Variants in KYNU observed in about 807,000 individuals in gnomAD.
KYNU encodes the protein kynureninase.
In KYNU, 54 loss-of-function variants were observed where a neutral mutation model predicts 59.2. The observed-to-expected ratio is 0.91, with a 90% confidence interval of 0.73 to 1.14. The LOEUF (loss-of-function observed/expected upper bound fraction) is 1.14. Ranked by LOEUF, KYNU falls within the 50% of genes most tolerant of loss-of-function variation. The pLI is 0.00. For synonymous variants in KYNU, 177 were observed against 192.0 expected, an observed-to-expected ratio of 0.92 and a Z score of 0.65; for missense variants, 567 against 554.4, an observed-to-expected ratio of 1.02 and a Z score of -0.23.
intron 8 of KYNU, among the ~76,000 whole-genome samples, chr2:142,976,309 C>T (rs956746006): frequency 6.6e-6 from 1 of 152,140 alleles, no homozygotes; most frequent in Non-Finnish European, 1.5e-5. Flanking sequence ...GGGGCCCTTT[C>T]TTTGTTGTTG....
chr2:142,995,963 T>C (rs1685527070), intron 10 of KYNU, among the ~76,000 whole-genome samples: 2 of 152,128 alleles, frequency 1.3e-5, no homozygotes, highest in African/African-American at 4.8e-5. Context: ...ACTACTCTTA[T>C]TTCTGAACTC....
intron 8 of KYNU, among the ~76,000 whole-genome samples, chr2:142,976,381 C>T (rs1290113709): frequency 6.6e-6 from 1 of 152,168 alleles, no homozygotes; most frequent in Admixed American, 6.5e-5. Flanking sequence ...TCATGGCATC[C>T]AGTTCTCTAG....
At chr2:142,898,440 G>A (rs752918397) in intron 2 of KYNU, among the ~76,000 whole-genome samples, 2 of 147,814 alleles carry the variant, frequency 1.4e-5, no homozygotes, top group Non-Finnish European at 1.5e-5. Flanking sequence ...GAAATATGAA[G>A]GGTAGGAAGT....
chr2:142,910,624 G>C (rs905863227), intron 2 of KYNU, among the ~76,000 whole-genome samples: 5 of 151,974 alleles, frequency 3.3e-5, no homozygotes, highest in Non-Finnish European at 5.9e-5. Flanking sequence ...TTGTTATTGA[G>C]GACTCAGTCA....
intron 4 of KYNU, among the ~76,000 whole-genome samples, chr2:142,932,574 A>G (rs1683258272): frequency 6.6e-6 from 1 of 152,152 alleles, no homozygotes; most frequent in African/African-American, 2.4e-5. Context: ...TTTTGCAGCT[A>G]GGAAACCCCG....
chr2:142,971,556 T>G (rs1385757128), intron 8 of KYNU, among the ~76,000 whole-genome samples: 1 of 152,192 alleles, frequency 6.6e-6, no homozygotes, highest in Non-Finnish European at 1.5e-5. Flanking sequence ...TGCACTGTCT[T>G]ATAATTACTT....
chr2:143,004,487 G>C (rs1363640836), intron 10 of KYNU, among the ~76,000 whole-genome samples: 1 of 152,180 alleles, frequency 6.6e-6, no homozygotes, highest in African/African-American at 2.4e-5. Context: ...GAGGTCAGTG[G>C]ATCACTTGAG....
intron 11 of KYNU, among the ~76,000 whole-genome samples, chr2:143,032,078 C>T (rs761093809): frequency 6.6e-6 from 1 of 151,984 alleles, no homozygotes; most frequent in Non-Finnish European, 1.5e-5. Flanking sequence ...GAGATCGAGA[C>T]CACCCTGGCT....
At chr2:142,966,043 G>T (rs532067034) in intron 8 of KYNU, among the ~76,000 whole-genome samples, 1 of 151,920 alleles carries the variant, frequency 6.6e-6, no homozygotes, top group Non-Finnish European at 1.5e-5. Flanking sequence ...AATTGACAAG[G>T]TGAAAATAAG....
intron 2 of KYNU, among the ~76,000 whole-genome samples, chr2:142,906,055 C>G (rs1387550288): frequency 6.9e-6 from 1 of 145,116 alleles, no homozygotes; most frequent in African/African-American, 2.8e-5. Context: ...CTCTCTGCCT[C>G]TTTCTCTTTC....
intron 9 of KYNU, 39 bp downstream of exon 9, chr2:142,985,221 C>G: frequency 1.6e-6 from 2 of 1,232,798 alleles, no homozygotes; most frequent in Non-Finnish European, 2.4e-6. Context: ...CTTTATTTCA[C>G]ATTGACTTTA....
chr2:142,900,983 G>A (rs1170968520), intron 2 of KYNU, among the ~76,000 whole-genome samples: 1 of 151,692 alleles, frequency 6.6e-6, no homozygotes, highest in Admixed American at 6.6e-5. Context: ...ATTGCAGCAG[G>A]TGGAGCTTGC....
intron 10 of KYNU, chr2:142,988,827 G>A: frequency 1.3e-6 from 2 of 1,567,252 alleles, no homozygotes; most frequent in African/African-American, 1.4e-5. Flanking sequence ...ATCTTATATT[G>A]TACTTCATTT....
chr2:142,937,956 C>T (rs760468676), intron 4 of KYNU, among the ~76,000 whole-genome samples: 1 of 152,170 alleles, frequency 6.6e-6, no homozygotes, highest in Non-Finnish European at 1.5e-5. Context: ...GTAACTATCA[C>T]CATCATAAAT....
intron 4 of KYNU, 131 bp from the exon 5 acceptor site, chr2:142,954,679 G>T: frequency 1.6e-6 from 1 of 626,674 alleles, no homozygotes; most frequent in Non-Finnish European, 2.9e-6. Flanking sequence ...CCATTTCTTT[G>T]TGATGACACA....
chr2:143,021,197 C>T (rs1256988251), intron 10 of KYNU, among the ~76,000 whole-genome samples: 1 of 152,020 alleles, frequency 6.6e-6, no homozygotes, highest in African/African-American at 2.4e-5. Flanking sequence ...TTAATATGAG[C>T]TGCAGAGGAT....
intron 10 of KYNU, among the ~76,000 whole-genome samples, chr2:143,007,291 G>A (rs988301331): frequency 6.7e-6 from 1 of 150,030 alleles, no homozygotes; most frequent in Non-Finnish European, 1.5e-5. Flanking sequence ...GCGATCAACT[G>A]GAAGAAAGGG....
intron 4 of KYNU, chr2:142,947,362 C>G (rs1683825362): frequency 1.4e-5 from 12 of 834,082 alleles, no homozygotes; most frequent in Non-Finnish European, 2.0e-5. Context: ...TTCAAGCTTA[C>G]TGTACTGTGT....
chr2:142,883,275 G>A (rs1240126788), intron 1 of KYNU, among the ~76,000 whole-genome samples: 5 of 139,248 alleles, frequency 3.6e-5, no homozygotes, highest in Non-Finnish European at 7.5e-5. Flanking sequence ...CTCACTGCAG[G>A]CTCCACCCCC....
Sources: allele counts gnomAD v4.1 joint callset (sites outside exome capture counted in the v4.1 genomes callset), GRCh38; gene constraint gnomAD v4.1.1; transcripts MANE v1.5; gene names NCBI Gene and HGNC (gene_info 2026-07-23, HGNC 2026-07-21).